KLF15: variants seen among roughly 807,000 people sequenced by gnomAD.
The protein encoded by KLF15 is KLF transcription factor 15.
KLF15 carries 4 observed loss-of-function variants against 24.6 expected under a neutral mutation model. That is an observed-to-expected ratio of 0.16 (90% CI 0.08 to 0.37). The LOEUF (loss-of-function observed/expected upper bound fraction) is 0.37. Among genes scored for constraint, KLF15 ranks in the 10% least tolerant of loss-of-function variants. The probability of loss-of-function intolerance (pLI) is 1.00; values close to 1 mark genes in which losing one functional copy is unlikely to be tolerated. For missense variants in KLF15, 496 were observed against 560.6 expected (o/e 0.88, Z 1.16); for synonymous variants, 246 against 236.3 (o/e 1.04, Z -0.37).
chr3:126,340,609 C>T (rs974424314), downstream of KLF15, among the ~76,000 whole-genome samples: 1 of 152,218 alleles, frequency 6.6e-6, no homozygotes, highest in Non-Finnish European at 1.5e-5. Context: ...TACTTCCTTC[C>T]TCTCTGTGTG....
the KLF15 span, among the ~76,000 whole-genome samples, chr3:126,300,596 TG>T: frequency 1.3e-5 from 2 of 152,224 alleles, no homozygotes; most frequent in Non-Finnish European, 2.9e-5. Context: ...CCATGCTCTG[TG>T]GGCTCATCAC....
downstream of KLF15, among the ~76,000 whole-genome samples, chr3:126,339,522 T>C (rs2082463892): frequency 6.6e-6 from 1 of 152,162 alleles, no homozygotes; most frequent in Non-Finnish European, 1.5e-5. Flanking sequence ...ATTCTGCATC[T>C]TTTGAACAAG....
At chr3:126,296,940 T>C in the KLF15 span, among the ~76,000 whole-genome samples, 1 of 152,198 alleles carries the variant, frequency 6.6e-6, no homozygotes, top group Non-Finnish European at 1.5e-5. Context: ...TTTCTTTTTT[T>C]CGTTTGTTTT....
the KLF15 span, among the ~76,000 whole-genome samples, chr3:126,308,751 C>T: frequency 6.6e-6 from 1 of 152,186 alleles, no homozygotes; most frequent in Non-Finnish European, 1.5e-5. Context: ...GGACCATTTC[C>T]CCAAAAACAG....
chr3:126,331,687 T>C, the KLF15 span, among the ~76,000 whole-genome samples: 23 of 152,232 alleles, frequency 1.5e-4, no homozygotes, highest in Admixed American at 1.4e-3. Flanking sequence ...GGGTGATTTC[T>C]GCATTTCCAT....
chr3:126,316,164 A>C, the KLF15 span, among the ~76,000 whole-genome samples: 1 of 152,246 alleles, frequency 6.6e-6, no homozygotes, highest in Admixed American at 6.5e-5. Flanking sequence ...TTCACAAGAA[A>C]AAGCCAGAGC....
the KLF15 span, among the ~76,000 whole-genome samples, chr3:126,322,540 C>A: frequency 7.9e-5 from 12 of 152,196 alleles, no homozygotes; most frequent in Non-Finnish European, 4.4e-5. Context: ...GATCCTCCCC[C>A]CATCTCCAGA....
the KLF15 span, among the ~76,000 whole-genome samples, chr3:126,308,215 A>AAT: frequency 6.6e-6 from 1 of 152,136 alleles, no homozygotes; most frequent in Non-Finnish European, 1.5e-5. Flanking sequence ...GCAGGAAGCG[A>AAT]ATATCGGTGG....
At chr3:126,288,325 T>C in the KLF15 span, 3 of 152,222 alleles carry the variant, frequency 2.0e-5, no homozygotes, top group Non-Finnish European at 2.9e-5. Context: ...TGGGAGCAAC[T>C]GATGTTCGAG....
the KLF15 span, among the ~76,000 whole-genome samples, chr3:126,316,723 C>G: frequency 1.3e-5 from 2 of 148,186 alleles, no homozygotes; most frequent in Non-Finnish European, 1.5e-5. Context: ...ATGCACGGGC[C>G]GGAGTGGTGA....
the KLF15 span, among the ~76,000 whole-genome samples, chr3:126,329,597 G>T: frequency 6.6e-6 from 1 of 151,940 alleles, no homozygotes; most frequent in African/African-American, 2.4e-5. Flanking sequence ...CACCATTGTC[G>T]TGTCATATTG....
At chr3:126,316,541 C>CGGAGTAGGGGAGGGAGTACACGGGCT in the KLF15 span, among the ~76,000 whole-genome samples, 2 of 145,544 alleles carry the variant, frequency 1.4e-5, no homozygotes, top group Non-Finnish European at 3.0e-5. Flanking sequence ...GTACATGGGC[C>CGGAGTAGGGGAGGGAGTACACGGGCT]GGAGTGGGGA....
chr3:126,331,772 A>G, the KLF15 span, among the ~76,000 whole-genome samples: 3 of 152,254 alleles, frequency 2.0e-5, no homozygotes, highest in Non-Finnish European at 2.9e-5. Flanking sequence ...CACTGTGTGC[A>G]AGCCGAAGCA....
Position 126,343,152 on chromosome 3 carries a change from G to GCCCCCCCCCCCCCCCCCCCCCCCC in KLF15, c.*551_*574dup, listed in dbSNP as rs576384165. On this transcript the variant is annotated 3_prime_UTR_variant, in exon 3 of 3. Coordinates refer to ENST00000296233, the MANE Select transcript of KLF15 (RefSeq NM_014079.4). ...CATGAGGGCCCAGCGGCCCGGTCCT[G>GCCCCCCCCCCCCCCCCCCCCCCCC]CCCCCCCCCCCCCCCCCCCCCCCCC... 8.4e-5 allele frequency: 1 copy of GCCCCCCCCCCCCCCCCCCCCCCCC among 11,908 alleles called. No homozygotes were observed. The highest frequency in any genetic ancestry group is 1.4e-4 in the Non-Finnish European group (1 of 7,000). 0.7% of individuals were successfully genotyped at this position (11,908 alleles called of 1,614,324 possible).
the KLF15 span, among the ~76,000 whole-genome samples, chr3:126,327,167 A>G: frequency 1.3e-5 from 2 of 152,110 alleles, no homozygotes; most frequent in African/African-American, 2.4e-5. Context: ...TCCACTCTGC[A>G]ACAGCTCCTT....
the KLF15 span, among the ~76,000 whole-genome samples, chr3:126,298,303 T>G: frequency 2.4e-5 from 3 of 122,744 alleles, no homozygotes; most frequent in Admixed American, 7.6e-5. Flanking sequence ...GATTATTAGG[T>G]TTTTTTTTTT....
At chr3:126,337,376 T>C in the KLF15 span, among the ~76,000 whole-genome samples, 1 of 125,972 alleles carries the variant, frequency 7.9e-6, no homozygotes, top group Non-Finnish European at 1.6e-5. Flanking sequence ...AATTGAACAA[T>C]GAGATCACAT....
In KLF15 at chr3:126,342,841, A is replaced by G. The variant is rs142171416; in HGVS notation, c.*886T>C. ...TACATACATTCATAGGATGTGAAAT[A>G]AACCTGTCAAAACAAGCTAGTTCAT... On this transcript the variant is annotated 3_prime_UTR_variant, in exon 3 of 3. Coordinates refer to ENST00000296233, the MANE Select transcript of KLF15 (RefSeq NM_014079.4). The G allele has an allele frequency of 5.9e-5, 9 of 152,722 alleles. No individual in the cohort carries two copies. The highest frequency in any genetic ancestry group is 2.2e-4 in the African/African-American group (9 of 41,562). The allele number at this position is 152,722 out of a possible 1,614,324, so 9.5% of individuals were successfully genotyped here.
chr3:126,290,729 A>G, the KLF15 span: 2 of 152,178 alleles, frequency 1.3e-5, no homozygotes, highest in South Asian at 4.1e-4. Context: ...TCTGCTTTGG[A>G]GAAGGAATGG....
Sources: allele counts gnomAD v4.1 joint callset (sites outside exome capture counted in the v4.1 genomes callset), GRCh38; gene constraint gnomAD v4.1.1; transcripts MANE v1.5; gene names NCBI Gene and HGNC (gene_info 2026-07-23, HGNC 2026-07-21).